The following SPRED1 variants were observed in gnomAD, a reference collection of about 807,000 sequenced individuals.
SPRED1 encodes the protein sprouty-related, EVH1 domain-containing protein 1.
In SPRED1, 18 loss-of-function variants were observed where a neutral mutation model predicts 52.3. The observed-to-expected ratio is 0.34, with a 90% CI of 0.24 to 0.51. SPRED1 has a LOEUF of 0.51. SPRED1 is among the 20% of genes least tolerant of loss of function. The pLI, the probability that SPRED1 is intolerant of heterozygous loss-of-function variation, is 0.97. For synonymous variants in SPRED1, 155 were observed against 179.7 expected (o/e 0.86, Z 1.10); for missense variants, 485 against 551.0 (o/e 0.88, Z 1.20).
chr15:38,313,330 A>C (rs1477090321), intron 2 of SPRED1, among the ~76,000 whole-genome samples: 3 of 152,028 alleles, frequency 2.0e-5, no homozygotes, highest in Admixed American at 1.3e-4. Flanking sequence ...GCAGTGCCTC[A>C]GTCTTTAATG....
chr15:38,291,954 C>T (rs1894932601), intron 1 of SPRED1, among the ~76,000 whole-genome samples: 1 of 152,226 alleles, frequency 6.6e-6, no homozygotes, highest in Non-Finnish European at 1.5e-5. Flanking sequence ...TTTCTCCTCA[C>T]AAAATAGTTT....
chr15:38,289,555 G>A (rs983693409), intron 1 of SPRED1, among the ~76,000 whole-genome samples: 1 of 152,124 alleles, frequency 6.6e-6, no homozygotes, highest in Non-Finnish European at 1.5e-5. Context: ...TTGATATAGG[G>A]AGATTATCCT....
At chr15:38,334,930 C>T (rs1195708974) in intron 4 of SPRED1, among the ~76,000 whole-genome samples, 1 of 151,608 alleles carries the variant, frequency 6.6e-6, no homozygotes, top group Non-Finnish European at 1.5e-5. Flanking sequence ...ATTGCACTCT[C>T]ACCAACAGCG....
chr15:38,261,344 A>G (rs1371393882), intron 1 of SPRED1, among the ~76,000 whole-genome samples: 1 of 152,214 alleles, frequency 6.6e-6, no homozygotes, highest in African/African-American at 2.4e-5. Flanking sequence ...GAATTAATAT[A>G]TCATTTCTGT....
At chr15:38,300,907 G>A (rs996623708) in intron 2 of SPRED1, among the ~76,000 whole-genome samples, 2 of 152,074 alleles carry the variant, frequency 1.3e-5, no homozygotes, top group Non-Finnish European at 2.9e-5. Context: ...AATGGTAACT[G>A]GGGAATATTG....
chr15:38,349,324 T>C (rs1228681351), intron 5 of SPRED1, 98 bp from the exon 6 acceptor site: 13 of 906,866 alleles, frequency 1.4e-5, no homozygotes, highest in Non-Finnish European at 2.1e-5. Flanking sequence ...TGAAAAACTT[T>C]ACTGCTAATA....
At chr15:38,331,344 T>C (rs1895802901) in intron 4 of SPRED1, among the ~76,000 whole-genome samples, 1 of 152,086 alleles carries the variant, frequency 6.6e-6, no homozygotes, top group South Asian at 2.1e-4. Context: ...TATTAAACTT[T>C]TTGCTCTTGT....
intron 5 of SPRED1, among the ~76,000 whole-genome samples, chr15:38,342,887 A>T (rs1420131350): frequency 1.3e-5 from 2 of 152,134 alleles, no homozygotes; most frequent in Non-Finnish European, 2.9e-5. Context: ...TAAAGACTGG[A>T]GATAAATTTT....
In SPRED1 at chr15:38,310,140, TGTGTGTGTGTGTG is replaced by T. The variant is rs1193220166; in HGVS notation, c.207+10594_207+10606del. On this transcript the variant is annotated intron_variant, in intron 2 of 6. Coordinates refer to ENST00000299084, the MANE Select transcript of SPRED1 (RefSeq NM_152594.3). ...TTGTGTGTGTGTGTGTGTGTGTGTG[TGTGTGTGTGTGTG>T]TTTGGAGACGAAGTTTCGCTCTTGT... Among the ~76,000 whole-genome samples, 9 of 131,738 alleles carry T rather than the reference TGTGTGTGTGTGTG, an allele frequency of 6.8e-5. 1 individual carries two copies. The highest frequency in any genetic ancestry group is 9.7e-5 in the Non-Finnish European group (6 of 61,922). The allele number at this position is 131,738 out of a possible 152,430, so 86.4% of individuals were successfully genotyped here.
At chr15:38,343,620 T>C (rs1417436217) in intron 5 of SPRED1, among the ~76,000 whole-genome samples, 4 of 152,040 alleles carry the variant, frequency 2.6e-5, no homozygotes, top group Non-Finnish European at 5.9e-5. Context: ...AACTTCTAGA[T>C]CATCTGGGAG....
intron 1 of SPRED1, among the ~76,000 whole-genome samples, chr15:38,280,522 T>C (rs556519733): frequency 2.1e-5 from 1 of 46,840 alleles, no homozygotes; most frequent in East Asian, 5.1e-4. Flanking sequence ...TTTTTAAAAA[T>C]CCATTGTTTT....
intron 4 of SPRED1, among the ~76,000 whole-genome samples, chr15:38,332,052 T>C (rs1895816051): frequency 6.6e-6 from 1 of 152,054 alleles, no homozygotes; most frequent in Non-Finnish European, 1.5e-5. Context: ...TGTATACTGG[T>C]ATGGGGAAAG....
At chr15:38,265,850 AT>A (rs1409100545) in intron 1 of SPRED1, among the ~76,000 whole-genome samples, 2 of 152,086 alleles carry the variant, frequency 1.3e-5, no homozygotes, top group African/African-American at 4.8e-5. Context: ...GGAGAGGAAG[AT>A]TTTTCAGCTT....
At chr15:38,283,521 C>T in intron 1 of SPRED1, 1 of 984,536 alleles carries the variant, frequency 1.0e-6, no homozygotes, top group Non-Finnish European at 1.2e-6. Flanking sequence ...ATGATGGAAT[C>T]TGCTTTTTTC....
chr15:38,332,302 G>GAT (rs1303242627), intron 4 of SPRED1, among the ~76,000 whole-genome samples: 4 of 152,256 alleles, frequency 2.6e-5, no homozygotes, highest in Non-Finnish European at 5.9e-5. Flanking sequence ...TGCCAGGTGT[G>GAT]ATAGCTCATG....
chr15:38,274,296 G>A lies in SPRED1; in HGVS notation c.32+21079G>A, dbSNP rs183753466. Among the ~76,000 whole-genome samples the A allele has an allele frequency of 3.3e-4, 50 of 152,304 alleles. No individual in the cohort carries two copies. In the East Asian group the frequency reaches 6.4e-3, roughly 19 times the overall value. On this transcript the variant is annotated intron_variant, in intron 1 of 6. Transcript: ENST00000299084. ...TTTGTTTCTTCCCACAGACTGGAAG[G>A]TGTACTGGGGGGAACTGCCAACAGG...
At position 38,349,427 on chromosome 15, in the gene SPRED1, A is replaced by T; in HGVS notation, c.588A>T (p.Thr196=). 30 of 1,610,282 alleles carry T rather than the reference A, an allele frequency of 1.9e-5. No individual in the cohort carries two copies. Among genetic ancestry groups the T allele is most frequent in the Non-Finnish European group, 2.5e-5 (30 of 1,176,856 alleles). ...VYMQSQANQI[T]FGQPGLDIQS... is the part of the protein sequence containing the mutation. ...AGAAATTGTTTGTATTTTAGATAAC[A>T]TTTGGTCAGCCAGGCTTGGACATTC... Residue 196 remains threonine (T), a synonymous_variant, in exon 6 of 7, where the codon ACA becomes ACT. Transcript: ENST00000299084.
intron 5 of SPRED1, among the ~76,000 whole-genome samples, chr15:38,342,012 A>G (rs1896039905): frequency 7.2e-6 from 1 of 139,666 alleles, no homozygotes; most frequent in Admixed American, 7.1e-5. Context: ...TTTAAACCAT[A>G]TATAGTTGGG....
chr15:38,280,931 C>G (rs1894673921), intron 1 of SPRED1, among the ~76,000 whole-genome samples: 1 of 152,158 alleles, frequency 6.6e-6, no homozygotes, highest in Non-Finnish European at 1.5e-5. Flanking sequence ...TTATTCTTTT[C>G]CAGTACATAT....
Sources: gnomAD v4.1 joint callset for allele counts (sites outside exome capture counted in the v4.1 genomes callset) on GRCh38, gnomAD v4.1.1 for gene constraint, MANE v1.5 for transcripts, NCBI Gene and HGNC (gene_info 2026-07-23, HGNC 2026-07-21) for gene names.